The following SCMH1 variants were observed in gnomAD, a reference collection of about 807,000 sequenced individuals.
SCMH1 encodes the protein polycomb protein SCMH1.
In SCMH1, 37 loss-of-function variants were observed where a neutral mutation model predicts 70.8. That is an observed-to-expected ratio of 0.52 (90% CI 0.40 to 0.69). SCMH1 has a LOEUF of 0.69. Among genes scored for constraint, SCMH1 ranks in the 30% least tolerant of loss-of-function variants. The pLI is 0.00. For synonymous variants in SCMH1, 292 were observed against 307.4 expected (o/e 0.95, Z 0.52); for missense variants, 607 against 827.3 (o/e 0.73, Z 3.27).
intron 10 of SCMH1, among the ~76,000 whole-genome samples, chr1:41,049,276 C>T (rs1055653631): frequency 3.3e-5 from 5 of 150,942 alleles, no homozygotes; most frequent in South Asian, 2.1e-4. Flanking sequence ...ATGTGTAAGG[C>T]ACTGTGGGGC....
At chr1:41,224,511 T>G (rs183569779) in intron 1 of SCMH1, among the ~76,000 whole-genome samples, 231 of 152,306 alleles carry the variant, frequency 1.5e-3, no homozygotes, top group Middle Eastern at 3.4e-3. Flanking sequence ...TAAACCCTAA[T>G]TCAGGGTGGA....
At chr1:41,066,071 C>T (rs1654495879) in intron 10 of SCMH1, among the ~76,000 whole-genome samples, 3 of 152,148 alleles carry the variant, frequency 2.0e-5, no homozygotes, top group Non-Finnish European at 2.9e-5. Flanking sequence ...CAAGCAGTAA[C>T]AGCTCAATTT....
chr1:41,173,877 A>C (rs1312109308), intron 2 of SCMH1, among the ~76,000 whole-genome samples: 1 of 152,100 alleles, frequency 6.6e-6, no homozygotes, highest in African/African-American at 2.4e-5. Flanking sequence ...GAAATACCAC[A>C]TGTTTTTGGT....
intron 4 of SCMH1, among the ~76,000 whole-genome samples, chr1:41,159,212 A>G (rs935071557): frequency 6.6e-6 from 1 of 152,216 alleles, no homozygotes; most frequent in Non-Finnish European, 1.5e-5. Context: ...ATTAACTTAC[A>G]TCAGAGGATA....
At chr1:41,230,465 G>C (rs976946484) in intron 1 of SCMH1, among the ~76,000 whole-genome samples, 1 of 152,026 alleles carries the variant, frequency 6.6e-6, no homozygotes, top group Non-Finnish European at 1.5e-5. Context: ...ACTAGCTTGG[G>C]CAAGATGGCA....
At position 41,031,380 on chromosome 1, in the gene SCMH1, C is replaced by G. The variant is rs921430584; in HGVS notation, c.1679-2654G>C. 7.9e-5 allele frequency among the ~76,000 whole-genome samples: 12 copies of G among 152,274 alleles called. No individual in the cohort carries two copies. In the East Asian group the frequency reaches 2.1e-3, roughly 27 times the overall value. Reference sequence around the variant, plus strand: ...AAGTAAAAGGGCCTAATATTTAACTCTCTCCGGCAAAGGCTAAGAATCTCC... The same window carrying G: ...AAGTAAAAGGGCCTAATATTTAACTGTCTCCGGCAAAGGCTAAGAATCTCC... On this transcript the variant is annotated intron_variant, in intron 13 of 14. Coordinates refer to ENST00000337495, the Ensembl canonical transcript of SCMH1.
At chr1:41,126,900 T>G (rs544310186) in intron 6 of SCMH1, among the ~76,000 whole-genome samples, 1 of 152,306 alleles carries the variant, frequency 6.6e-6, no homozygotes, top group East Asian at 1.9e-4. Context: ...CTGGGTCAAC[T>G]AATAAATGCA....
intron 6 of SCMH1, among the ~76,000 whole-genome samples, chr1:41,134,418 T>C (rs1642929719): frequency 6.6e-6 from 1 of 152,204 alleles, no homozygotes; most frequent in African/African-American, 2.4e-5. Flanking sequence ...AACGTAGTAT[T>C]AGAAGTTCTG....
chr1:41,038,848 AC>A (rs766330218), intron 12 of SCMH1, among the ~76,000 whole-genome samples: 10 of 152,216 alleles, frequency 6.6e-5, no homozygotes, highest in Non-Finnish European at 1.3e-4. Context: ...GATATAGGAG[AC>A]CTGGGTTCTA....
chr1:41,053,224 A>T (rs373520887), intron 10 of SCMH1, among the ~76,000 whole-genome samples: 1 of 152,008 alleles, frequency 6.6e-6, no homozygotes, highest in Non-Finnish European at 1.5e-5. Flanking sequence ...TAAAGGTAGA[A>T]ACTTTACCTC....
rs1478185933 is a variant in SCMH1 at position 41,044,901 on chromosome 1, CA to C, written c.1498+1505del. On this transcript the variant is annotated intron_variant, in intron 12 of 14. Coordinates refer to ENST00000337495, the Ensembl canonical transcript of SCMH1. ...CTTACCAGTCTCTGAATGCTGCTAC[CA>C]GTATGTTTCTCTCACTTCTTAATGA... 2.0e-5 allele frequency among the ~76,000 whole-genome samples: 3 copies of C among 152,210 alleles called. No homozygotes were observed. In the East Asian group the frequency reaches 5.8e-4, roughly 29 times the overall value.
chr1:41,236,069 T>C (rs180904199), intron 1 of SCMH1, among the ~76,000 whole-genome samples: 25 of 152,334 alleles, frequency 1.6e-4, no homozygotes, highest in Admixed American at 1.2e-3. Flanking sequence ...CCTTTATGCA[T>C]ACATTGGAGA....
chr1:41,145,866 G>T (rs1644504155), intron 5 of SCMH1, among the ~76,000 whole-genome samples: 1 of 152,108 alleles, frequency 6.6e-6, no homozygotes, highest in Admixed American at 6.5e-5. Flanking sequence ...GCTGCCAGCT[G>T]TATAAAAGTA....
At position 41,081,921 on chromosome 1, in the gene SCMH1, T is replaced by G. The variant is rs894648377; in HGVS notation, c.746-6470A>C. On this transcript the variant is annotated intron_variant, in intron 8 of 14. Coordinates refer to ENST00000337495, the Ensembl canonical transcript of SCMH1. ...TAACTACACATATATAGTCATCTGA[T>G]TTATGATAAATGTGCCCTTGCAATT... 7.9e-5 allele frequency among the ~76,000 whole-genome samples: 12 copies of G among 152,160 alleles called. 1 individual carries two copies. Among genetic ancestry groups the G allele is most frequent in the African/African-American group, 2.9e-4 (12 of 41,436 alleles).
intron 4 of SCMH1, among the ~76,000 whole-genome samples, chr1:41,160,316 T>C (rs1385724240): frequency 6.6e-6 from 1 of 152,204 alleles, no homozygotes; most frequent in Admixed American, 6.5e-5. Flanking sequence ...GGAACTCTGA[T>C]TGAGAAGTAT....
At position 41,054,745 on chromosome 1, in the gene SCMH1, G is replaced by GTGAA. The variant is rs764033313; in HGVS notation, c.1106-5859_1106-5856dup. On this transcript the variant is annotated intron_variant, in intron 10 of 14. Coordinates refer to ENST00000337495, the Ensembl canonical transcript of SCMH1. ...GTAGTTGTGGCTTTTGTCTAATGAA[G>GTGAA]TGAACTCTGACAGTTCAAAGAAAGC... Among the ~76,000 whole-genome samples, 58 of 152,288 alleles carry GTGAA rather than the reference G, an allele frequency of 3.8e-4. 1 individual carries two copies. Among genetic ancestry groups the GTGAA allele is most frequent in the Non-Finnish European group, 6.0e-4 (41 of 68,018 alleles).
chr1:41,132,225 T>C (rs1642454897), intron 6 of SCMH1, among the ~76,000 whole-genome samples: 1 of 152,238 alleles, frequency 6.6e-6, no homozygotes, highest in South Asian at 2.1e-4. Context: ...TCCAGACTTT[T>C]TAATGATCGC....
chr1:41,213,691 C>G (rs1397061930), intron 1 of SCMH1, among the ~76,000 whole-genome samples: 1 of 152,158 alleles, frequency 6.6e-6, no homozygotes, highest in African/African-American at 2.4e-5. Context: ...ATTATCACAT[C>G]TAGCATAAAA....
chr1:41,202,353 A>T (rs1309591629), intron 1 of SCMH1, among the ~76,000 whole-genome samples: 1 of 150,622 alleles, frequency 6.6e-6, no homozygotes, highest in Non-Finnish European at 1.5e-5. Flanking sequence ...TTTCCCTCCC[A>T]GAAATTTACC....
Sources: allele counts gnomAD v4.1 joint callset (sites outside exome capture counted in the v4.1 genomes callset), GRCh38; gene constraint gnomAD v4.1.1; transcripts MANE v1.5; gene names NCBI Gene and HGNC (gene_info 2026-07-23, HGNC 2026-07-21).